FHIP1A: variants seen among roughly 807,000 people sequenced by gnomAD.
FHIP1A encodes the protein FHF complex subunit HOOK-interacting protein 1A.
FHIP1A carries 61 observed loss-of-function variants against 88.6 expected under a neutral mutation model. The ratio of observed to expected loss-of-function variants is 0.69; its 90% confidence interval spans 0.56 to 0.85. The LOEUF is 0.85. FHIP1A is among the 40% of genes least tolerant of loss of function. The probability of loss-of-function intolerance (pLI) is 0.00; values close to 1 mark genes in which losing one functional copy is unlikely to be tolerated. For synonymous variants in FHIP1A, 478 were observed against 496.0 expected (o/e 0.96, Z 0.48); for missense variants, 1,154 against 1,273.5 (o/e 0.91, Z 1.43).
In FHIP1A at chr4:151,668,318, A is replaced by G. The variant is rs1442410323; in HGVS notation, c.*5564A>G. On this transcript the variant is annotated 3_prime_UTR_variant, in exon 14 of 14. Transcript: ENST00000435205. ...TATGCAACTAAATTCAATGGAAATG[A>G]AAGATACAATATAAAATAGCGGGTC... 6.6e-6 allele frequency among the ~76,000 whole-genome samples: 1 copy of G among 152,200 alleles called. No individual in the cohort carries two copies. The highest frequency in any genetic ancestry group is 1.5e-5 in the Non-Finnish European group (1 of 68,044).
At chr4:151,609,616 T>C (rs1735218959) in intron 7 of FHIP1A, among the ~76,000 whole-genome samples, 1 of 152,220 alleles carries the variant, frequency 6.6e-6, no homozygotes, top group African/African-American at 2.4e-5. Flanking sequence ...TCTGAAGTCT[T>C]GTGCTGAGTT....
At chr4:151,591,324 C>T (rs773870596) in intron 7 of FHIP1A, among the ~76,000 whole-genome samples, 1 of 152,028 alleles carries the variant, frequency 6.6e-6, no homozygotes, top group Non-Finnish European at 1.5e-5. Context: ...TGTATTTCCC[C>T]CTTTGGTATG....
chr4:151,566,873 G>T (rs762882676), intron 4 of FHIP1A, among the ~76,000 whole-genome samples: 6 of 152,214 alleles, frequency 3.9e-5, no homozygotes, highest in Non-Finnish European at 7.4e-5. Context: ...GAAAATTACC[G>T]AGGTTAAATA....
At chr4:151,552,077 T>C (rs1449511689) in intron 3 of FHIP1A, among the ~76,000 whole-genome samples, 1 of 152,208 alleles carries the variant, frequency 6.6e-6, no homozygotes, top group African/African-American at 2.4e-5. Flanking sequence ...AATGAAAAAG[T>C]GCTCATCATC....
intron 1 of FHIP1A, among the ~76,000 whole-genome samples, chr4:151,410,152 C>G (rs1175323070): frequency 1.3e-5 from 2 of 152,162 alleles, no homozygotes; most frequent in East Asian, 1.9e-4. Flanking sequence ...GCGGCGGTAG[C>G]CTTGTTGGCT....
At chr4:151,589,318 T>C (rs1734338293) in intron 7 of FHIP1A, among the ~76,000 whole-genome samples, 1 of 152,222 alleles carries the variant, frequency 6.6e-6, no homozygotes, top group Admixed American at 6.5e-5. Flanking sequence ...ACAAGTGCCA[T>C]AGATTTGCCA....
At chr4:151,422,532 A>G (rs2126523769) in intron 1 of FHIP1A, among the ~76,000 whole-genome samples, 1 of 152,222 alleles carries the variant, frequency 6.6e-6, no homozygotes, top group Non-Finnish European at 1.5e-5. Flanking sequence ...GACTACAGGC[A>G]CAAGCCACCA....
intron 1 of FHIP1A, among the ~76,000 whole-genome samples, chr4:151,439,464 C>A (rs1301378684): frequency 6.6e-6 from 1 of 151,758 alleles, no homozygotes; most frequent in Non-Finnish European, 1.5e-5. Context: ...ATTTGAGCCT[C>A]TTCCAAAGCA....
At chr4:151,445,780 A>G (rs1728574623) in intron 1 of FHIP1A, among the ~76,000 whole-genome samples, 2 of 149,210 alleles carry the variant, frequency 1.3e-5, no homozygotes, top group South Asian at 4.2e-4. Context: ...GCTTGAATCT[A>G]GGAGTTTGAG....
intron 7 of FHIP1A, among the ~76,000 whole-genome samples, chr4:151,619,716 C>T (rs536274835): frequency 6.6e-6 from 1 of 152,292 alleles, no homozygotes; most frequent in African/African-American, 2.4e-5. Flanking sequence ...CAATATATGC[C>T]AGGCACTGTT....
Position 151,649,568 on chromosome 4 carries a change from C to G in FHIP1A, c.1527C>G (p.Thr509=). 6.4e-7 allele frequency: 1 copy of G among 1,551,684 alleles called. No homozygotes were observed. Among genetic ancestry groups the G allele is most frequent in the Non-Finnish European group, 8.7e-7 (1 of 1,146,962 alleles). Residue 509 remains threonine (T), a synonymous_variant, in exon 11 of 14, where the codon ACC becomes ACG. Coordinates refer to ENST00000435205, the MANE Select transcript of FHIP1A (RefSeq NM_001109977.3). ...TGCAGTACCTGTGGGAGGCCCACAC[C>G]AACATCCTCCGCTGCATGAGGGACT... ...SYLQYLWEAH[T]NILRCMRDCR...
chr4:151,597,169 A>G (rs1299871850), intron 7 of FHIP1A, among the ~76,000 whole-genome samples: 1 of 151,896 alleles, frequency 6.6e-6, no homozygotes, highest in Non-Finnish European at 1.5e-5. Flanking sequence ...GGATTTATCT[A>G]CCTTTGGTTT....
At chr4:151,510,400 A>G (rs1470281) in intron 3 of FHIP1A, among the ~76,000 whole-genome samples, 79,731 of 152,032 alleles carry the variant, frequency 0.52, 21,257 homozygotes, top group African/African-American at 0.57. Context: ...ATGAGCTACC[A>G]TGCCTGGCCC....
At chr4:151,512,165 C>A (rs1461153987) in intron 3 of FHIP1A, among the ~76,000 whole-genome samples, 1 of 152,218 alleles carries the variant, frequency 6.6e-6, no homozygotes, top group Non-Finnish European at 1.5e-5. Context: ...ACTGCTGGTA[C>A]CCAGGCAAAC....
chr4:151,503,827 T>C (rs1053186409), intron 3 of FHIP1A, among the ~76,000 whole-genome samples: 1 of 152,220 alleles, frequency 6.6e-6, no homozygotes, highest in Non-Finnish European at 1.5e-5. Flanking sequence ...CTCTATAGCA[T>C]AGACTCCCTG....
At chr4:151,616,364 G>A (rs1041890593) in intron 7 of FHIP1A, among the ~76,000 whole-genome samples, 8 of 150,634 alleles carry the variant, frequency 5.3e-5, no homozygotes, top group African/African-American at 2.0e-4. Context: ...TTTAACCCTA[G>A]AATTAGACAG....
rs13123612 is a variant in FHIP1A, at chr4:151,516,467, C to A, written c.-123+33819C>A. ...TTGACAAATGGGATCTAATTAAACTCAAGAGCTTCTGCACAGCAAAAGAAA... is the reference window on the plus strand; with the variant it reads ...TTGACAAATGGGATCTAATTAAACTAAAGAGCTTCTGCACAGCAAAAGAAA... On this transcript the variant is annotated intron_variant, in intron 3 of 13. Coordinates refer to ENST00000435205, the MANE Select transcript of FHIP1A (RefSeq NM_001109977.3). Among the ~76,000 whole-genome samples the A allele has an allele frequency of 8.5e-3, 1,295 of 151,856 alleles. 19 individuals are homozygous for A. The highest frequency in any genetic ancestry group is 0.028 in the African/African-American group (1,155 of 41,356).
chr4:151,490,644 A>G (rs1730249533), intron 3 of FHIP1A, among the ~76,000 whole-genome samples: 1 of 152,178 alleles, frequency 6.6e-6, no homozygotes. Context: ...CCAAACCAAG[A>G]AGAAATCTCT....
intron 9 of FHIP1A, among the ~76,000 whole-genome samples, chr4:151,643,681 A>G (rs1300200610): frequency 1.3e-5 from 2 of 152,106 alleles, no homozygotes; most frequent in East Asian, 3.8e-4. Context: ...GAGTGAGAAC[A>G]TGTGATATTT....
Sources: allele counts gnomAD v4.1 joint callset (sites outside exome capture counted in the v4.1 genomes callset), GRCh38; gene constraint gnomAD v4.1.1; transcripts MANE v1.5; gene names NCBI Gene and HGNC (gene_info 2026-07-23, HGNC 2026-07-21).